Variants in CNGB1 observed in about 807,000 individuals in gnomAD.
The protein encoded by CNGB1 is cyclic nucleotide gated channel subunit beta 1, also known as cyclic nucleotide-gated channel beta-1.
A neutral mutation model predicts 151.7 loss-of-function variants in CNGB1; 126 were observed. The observed-to-expected ratio is 0.83, with a 90% CI of 0.72 to 0.96. CNGB1 has a LOEUF of 0.96. Ranked by LOEUF, CNGB1 falls within the 40% of genes least tolerant of loss-of-function variation. CNGB1 has a pLI of 0.00. For missense variants in CNGB1, 1,698 were observed against 1,627.0 expected (o/e 1.04, Z -0.75); for synonymous variants, 623 against 635.1 (o/e 0.98, Z 0.29).
chr16:57,924,530 T>C (rs1340621301), intron 17 of CNGB1, among the ~76,000 whole-genome samples: 2 of 152,182 alleles, frequency 1.3e-5, no homozygotes, highest in African/African-American at 2.4e-5. Context: ...GGCTGAGTGT[T>C]AGCACATGAA....
Position 57,904,871 on chromosome 16 carries a change from T to C in CNGB1, c.2497A>G (p.Ile833Val), listed in dbSNP as rs751149828. The C allele has an allele frequency of 6.2e-7, 1 of 1,614,036 alleles. No individual in the cohort carries two copies. Among genetic ancestry groups the C allele is most frequent in the African/African-American group, 1.3e-5 (1 of 74,996 alleles). ...TTCACAGCAAAGTAGTAACAGCGAA[T>C]ATAACTGGAGAGAGAGGAGAAAGGG... ...WVYDGVGNSYIRCYYFAVKTL... is the reference protein window; with the variant it reads ...WVYDGVGNSYVRCYYFAVKTL... Residue 833 changes from isoleucine (I) to valine (V), a missense_variant, in exon 26 of 33, where the codon ATT becomes GTT. Physicochemically the swap from Ile to Val is conservative, Grantham distance 29. Coordinates refer to ENST00000251102, the MANE Select transcript of CNGB1 (RefSeq NM_001297.5).
Position 57,883,490 on chromosome 16 carries a change from A to G in CNGB1, c.*674T>C, listed in dbSNP as rs768336205. 6.4e-6 allele frequency: 1 copy of G among 157,024 alleles called. No individual in the cohort carries two copies. The highest frequency in any genetic ancestry group is 1.4e-5 in the Non-Finnish European group (1 of 71,676). 9.7% of individuals were successfully genotyped at this position (157,024 alleles called of 1,614,324 possible). A position where few individuals can be genotyped will look rare whatever the true frequency, so the allele number is the denominator to read the frequency against. The stretch of plus-strand genomic sequence containing the variant: ...TCACTGTGTCCAGCTCACTGCAGCC[A>G]GAAACTCCTGGGCTCAAGCCATCCT... On this transcript the variant is annotated 3_prime_UTR_variant, in exon 33 of 33. Coordinates refer to ENST00000251102, the MANE Select transcript of CNGB1 (RefSeq NM_001297.5).
chr16:57,887,608 T>C (rs1959967480), intron 32 of CNGB1, among the ~76,000 whole-genome samples: 1 of 152,160 alleles, frequency 6.6e-6, no homozygotes, highest in African/African-American at 2.4e-5. Context: ...CTCGTCCTGT[T>C]GGCATCTTTC....
intron 12 of CNGB1, among the ~76,000 whole-genome samples, chr16:57,950,758 T>A (rs1961928849): frequency 6.6e-6 from 1 of 152,246 alleles, no homozygotes; most frequent in African/African-American, 2.4e-5. Context: ...TCTCCATTAT[T>A]TTCCCCCCTT....
chr16:57,920,275 C>T (rs1314844529), intron 19 of CNGB1, 112 bp downstream of exon 19: 2 of 1,240,592 alleles, frequency 1.6e-6, no homozygotes, highest in East Asian at 2.4e-5. Context: ...CTGGGCTTCT[C>T]TCATGGACCT....
intron 31 of CNGB1, among the ~76,000 whole-genome samples, chr16:57,888,643 G>A (rs1283660630): frequency 6.6e-6 from 1 of 152,092 alleles, no homozygotes; most frequent in Non-Finnish European, 1.5e-5. Context: ...GTAGAGACAG[G>A]GTTTCGCCAT....
chr16:57,940,207 G>C, intron 15 of CNGB1, 27 bp downstream of exon 15: 1 of 1,545,868 alleles, frequency 6.5e-7, no homozygotes, highest in East Asian at 2.4e-5. Flanking sequence ...AGGCCTCAGA[G>C]GTGCCAGTGC....
chr16:57,919,679 A>G (rs1468812563), intron 19 of CNGB1, among the ~76,000 whole-genome samples: 2 of 152,160 alleles, frequency 1.3e-5, no homozygotes, highest in Non-Finnish European at 2.9e-5. Flanking sequence ...TCAAGGAAGT[A>G]TTGCTCCAGG....
In CNGB1 at chr16:57,901,381, A is replaced by T; in HGVS notation, c.2947T>A (p.Tyr983Asn). Reference protein sequence around the residue: ...DMLKRLRSVVYLPNDYVCKKG... With the variant: ...DMLKRLRSVVNLPNDYVCKKG... ...TTGCACACATAGTCGTTGGGCAGGT[A>T]GACAACAGAGCGAAGCCTCTTCAGC... is the stretch of plus-strand genomic sequence containing the variant. Residue 983 changes from tyrosine (Y) to asparagine (N), a missense_variant, in exon 29 of 33, where the codon TAC becomes AAC. Coordinates refer to ENST00000251102, the MANE Select transcript of CNGB1 (RefSeq NM_001297.5). 6.2e-7 allele frequency: 1 copy of T among 1,614,180 alleles called. No homozygotes were observed. The highest frequency in any genetic ancestry group is 8.5e-7 in the Non-Finnish European group (1 of 1,180,036).
In CNGB1 at chr16:57,926,314, G is replaced by C. The variant is rs368066520; in HGVS notation, c.1536-2934C>G. ...CAGAGAGCTGGGCAGGAGGACACTG[G>C]GGCAGGGGTCACTGAGGCCATCACA... On this transcript the variant is annotated intron_variant, in intron 17 of 32. Coordinates refer to ENST00000251102, the MANE Select transcript of CNGB1 (RefSeq NM_001297.5). Among the ~76,000 whole-genome samples, 313 of 152,270 alleles carry C rather than the reference G, an allele frequency of 2.1e-3. 1 individual carries two copies. The highest frequency in any genetic ancestry group is 5.2e-3 in the South Asian group (25 of 4,816).
intron 5 of CNGB1, 40 bp from the exon 6 acceptor site, chr16:57,962,912 AG>A: frequency 2.5e-6 from 4 of 1,612,244 alleles, no homozygotes; most frequent in Non-Finnish European, 2.5e-6. Flanking sequence ...AGGGAGCCCA[AG>A]GGCAGCCTCC....
chr16:57,915,278 G>C lies in CNGB1; in HGVS notation c.2275C>G (p.Pro759Ala). 1 of 1,614,024 alleles carries C rather than the reference G, an allele frequency of 6.2e-7. No individual in the cohort carries two copies. Among genetic ancestry groups the C allele is most frequent in the Non-Finnish European group, 8.5e-7 (1 of 1,179,940 alleles). The change falls in exon 23 of 33, where the codon CCC becomes GCC. Residue 759 changes from proline (P) to alanine (A), a missense_variant. Coordinates refer to ENST00000251102, the MANE Select transcript of CNGB1 (RefSeq NM_001297.5). Reference sequence around the variant, plus strand: ...AAACAGCGGGGCAGGCGGAGGAGGGGGTTCACACCGACTTTCAAATAGAGA... The same window carrying C: ...AAACAGCGGGGCAGGCGGAGGAGGGCGTTCACACCGACTTTCAAATAGAGA... ...DFLYLKVGVN[P>A]LLRLPRCLKY...
At position 57,920,799 on chromosome 16, in the gene CNGB1, G is replaced by C. The variant is rs1961011870; in HGVS notation, c.1644-255C>G. Among the ~76,000 whole-genome samples, 4 of 152,310 alleles carry C rather than the reference G, an allele frequency of 2.6e-5. No individual in the cohort carries two copies. The South Asian group carries it at 8.3e-4, about 32-fold the overall frequency. On this transcript the variant is annotated intron_variant, in intron 18 of 32. Transcript: ENST00000251102. ...TACCACGTAGGCTCTGATTCAGATG[G>C]GCAGTTCTGGAAAAAGCGTGACTCC...
At chr16:57,948,316 C>T (rs76902585) in intron 14 of CNGB1, among the ~76,000 whole-genome samples, 10 of 136,616 alleles carry the variant, frequency 7.3e-5, no homozygotes, top group Non-Finnish European at 1.1e-4. Context: ...TCTTCTTCTT[C>T]TTTTTTTTTT....
chr16:57,916,051 C>T (rs1381964997), intron 22 of CNGB1, 78 bp downstream of exon 22: 8 of 1,383,272 alleles, frequency 5.8e-6, no homozygotes, highest in Non-Finnish European at 8.2e-6. Context: ...CTCATGAACG[C>T]CCCAGGCACC....
chr16:57,963,066 T>C lies in CNGB1; in HGVS notation c.291-2A>G. 1 of 1,609,854 alleles carries C rather than the reference T, an allele frequency of 6.2e-7. No individual in the cohort carries two copies. The highest frequency in any genetic ancestry group is 8.5e-7 in the Non-Finnish European group (1 of 1,177,608). ...CAGGTCAGTACCCTGCGGCTGGGAC[T>C]GCGATGGACAGAGACACCAGCCCGC... On this transcript the variant is annotated splice_acceptor_variant, in intron 4 of 32. Coordinates refer to ENST00000251102, the MANE Select transcript of CNGB1 (RefSeq NM_001297.5). LOFTEE classifies it high-confidence loss of function.
At chr16:57,933,143 G>T (rs1961404332) in intron 16 of CNGB1, among the ~76,000 whole-genome samples, 1 of 151,986 alleles carries the variant, frequency 6.6e-6, no homozygotes. Context: ...GCCCAGGCTG[G>T]TCTCGAACTC....
chr16:57,904,974 A>G, intron 25 of CNGB1, 99 bp from the exon 26 acceptor site: 2 of 1,464,112 alleles, frequency 1.4e-6, no homozygotes, highest in Admixed American at 1.7e-5. Context: ...CATGTTGTGC[A>G]AAAGACAGAA....
chr16:57,917,552 T>C, intron 20 of CNGB1, 76 bp from the exon 21 acceptor site: 1 of 1,438,072 alleles, frequency 7.0e-7, no homozygotes, highest in Non-Finnish European at 9.8e-7. Flanking sequence ...GGTAGGGTTT[T>C]GTTCTTTCTA....
Sources: allele counts gnomAD v4.1 joint callset (sites outside exome capture counted in the v4.1 genomes callset), GRCh38; gene constraint gnomAD v4.1.1; transcripts MANE v1.5; gene names NCBI Gene and HGNC (gene_info 2026-07-23, HGNC 2026-07-21).